EDC4: variants seen among roughly 807,000 people sequenced by gnomAD.
EDC4 encodes enhancer of mRNA decapping 4, also known as enhancer of mRNA-decapping protein 4.
A neutral mutation model predicts 155.8 loss-of-function variants in EDC4; 64 were observed. The ratio of observed to expected loss-of-function variants is 0.41; its 90% CI spans 0.34 to 0.51. The LOEUF (loss-of-function observed/expected upper bound fraction) is 0.51, where lower values mean the gene tolerates loss of function less well. EDC4 is among the 20% of genes least tolerant of loss of function. The pLI, the probability that EDC4 is intolerant of heterozygous loss-of-function variation, is 0.19. For synonymous variants in EDC4, 684 were observed against 716.8 expected, an observed-to-expected ratio of 0.95 and a Z score of 0.73; for missense variants, 1,303 against 1,812.5, an observed-to-expected ratio of 0.72 and a Z score of 5.10.
rs2058055099 is a variant in EDC4, at chr16:67,879,413, G to A, written c.1543G>A (p.Ala515Thr). The change falls in exon 14 of 29, where the codon GCA (alanine) becomes ACA (threonine). Residue 515 changes from alanine to threonine, a missense_variant and splice_region_variant. Transcript: ENST00000358933. The surrounding 1 kb of genome is among the most constrained non-coding windows in gnomAD (Gnocchi z 6.0). ...ATTCTCCCCCTTCTTTTCCTGCAGG[G>A]CACTGCAAGATGTGCAGATCCGCTT... ...LIKLFCVHTK[A>T]LQDVQIRFQP... 3 of 1,614,020 alleles carry A rather than the reference G, an allele frequency of 1.9e-6. No homozygotes were observed. The highest frequency in any genetic ancestry group is 2.2e-5 in the South Asian group (2 of 91,088).
In EDC4 at chr16:67,877,967, C is replaced by G; in HGVS notation, c.894+122C>G. On this transcript the variant is annotated intron_variant, in intron 7 of 28. Coordinates refer to ENST00000358933, the MANE Select transcript of EDC4 (RefSeq NM_014329.5). The surrounding 1 kb of genome is among the most constrained non-coding windows in gnomAD (Gnocchi z 4.9). ...ATTCTGCCCGTGGGGACTCTGAGCTCAAATTGGCCCTCACCTGTGCAGCTT... is the reference window on the plus strand; with the variant it reads ...ATTCTGCCCGTGGGGACTCTGAGCTGAAATTGGCCCTCACCTGTGCAGCTT... 6.6e-7 allele frequency: 1 copy of G among 1,510,366 alleles called. No individual in the cohort carries two copies. Among genetic ancestry groups the G allele is most frequent in the Non-Finnish European group, 8.9e-7 (1 of 1,118,418 alleles). 93.6% of individuals were successfully genotyped at this position (1,510,366 alleles called of 1,614,324 possible).
At position 67,878,308 on chromosome 16, in the gene EDC4, C is replaced by G. The variant is rs776639761; in HGVS notation, c.1004+33C>G. 2.5e-6 allele frequency: 4 copies of G among 1,614,182 alleles called. No individual in the cohort carries two copies. The South Asian group carries it at 3.3e-5, about 13-fold the overall frequency. ...AGGGCCTCAGGGACCAGGATCCTCC[C>G]GAGGTAGCCCACCCGACCACTCACT... On this transcript the variant is annotated intron_variant, in intron 8 of 28. Coordinates refer to ENST00000358933, the MANE Select transcript of EDC4 (RefSeq NM_014329.5). This position sits in a 1 kb window ranked among gnomAD's most constrained non-coding sequence, Gnocchi z 5.2.
At position 67,883,548 on chromosome 16, in the gene EDC4, G is replaced by A; in HGVS notation, c.3850-20G>A. On this transcript the variant is annotated intron_variant, in intron 27 of 28. Coordinates refer to ENST00000358933, the MANE Select transcript of EDC4 (RefSeq NM_014329.5). This position sits in a 1 kb window ranked among gnomAD's most constrained non-coding sequence, Gnocchi z 5.3. ...CATCCTGATATTTGCTATAAACACTGCTGCTTTTTTCTCCTCCAGGCGCTG... is the reference window on the plus strand; with the variant it reads ...CATCCTGATATTTGCTATAAACACTACTGCTTTTTTCTCCTCCAGGCGCTG... 1.2e-6 allele frequency: 2 copies of A among 1,611,466 alleles called. No individual in the cohort carries two copies. Among genetic ancestry groups the A allele is most frequent in the South Asian group, 1.1e-5 (1 of 91,084 alleles).
chr16:67,879,039 A>G lies in EDC4; in HGVS notation c.1370A>G (p.His457Arg). ...TCCATCTCGGAGTTCCTGCTCACCC[A>G]CCCTGTGCTGAGCTTTGGTATCCAG... ...FSSISEFLLT[H>R]PVLSFGIQVV... Residue 457 changes from histidine to arginine, a missense_variant, in exon 12 of 29, where the codon CAC becomes CGC. His to Arg is a conservative substitution (Grantham distance 29). Coordinates refer to ENST00000358933, the MANE Select transcript of EDC4 (RefSeq NM_014329.5). The surrounding 1 kb of genome is among the most constrained non-coding windows in gnomAD (Gnocchi z 6.0). The G allele has an allele frequency of 6.2e-7, 1 of 1,612,812 alleles. No homozygotes were observed. The highest frequency in any genetic ancestry group is 8.5e-7 in the Non-Finnish European group (1 of 1,179,950).
chr16:67,877,727 C>A lies in EDC4; in HGVS notation c.790-14C>A. 4 of 1,614,172 alleles carry A rather than the reference C, an allele frequency of 2.5e-6. No homozygotes were observed. The highest frequency in any genetic ancestry group is 3.4e-6 in the Non-Finnish European group (4 of 1,180,036). On this transcript the variant is annotated splice_polypyrimidine_tract_variant and intron_variant, in intron 6 of 28. Transcript: ENST00000358933. The surrounding 1 kb of genome is among the most constrained non-coding windows in gnomAD (Gnocchi z 4.9). ...TGGGGTTGGGCTGCACACTCACCTC[C>A]CTGTGCCTTCCAGGCTGAGGTGTGG...
In EDC4 at chr16:67,882,204, T is replaced by C; in HGVS notation, c.3161-8T>C. The C allele has an allele frequency of 6.2e-7, 1 of 1,613,524 alleles. No homozygotes were observed. The highest frequency in any genetic ancestry group is 8.5e-7 in the Non-Finnish European group (1 of 1,179,766). ...ATGGCTCCACCTCACCCTCTTCCCC[T>C]CTCCCAGGTGTCTCAAGGAGTCTGG... On this transcript the variant is annotated splice_polypyrimidine_tract_variant and splice_region_variant and intron_variant, in intron 23 of 28. Transcript: ENST00000358933. This position sits in a 1 kb window ranked among gnomAD's most constrained non-coding sequence, Gnocchi z 7.2.
Position 67,883,317 on chromosome 16 carries a change from T to A in EDC4, c.3849+140T>A. 1.5e-6 allele frequency: 2 copies of A among 1,359,674 alleles called. No individual in the cohort carries two copies. Among genetic ancestry groups the A allele is most frequent in the South Asian group, 1.4e-5 (1 of 69,242 alleles). The allele number at this position is 1,359,674 out of a possible 1,614,324, so 84.2% of individuals were successfully genotyped here. ...TGGTTCCCTTTGGCCTCCAGGCCAT[T>A]GTCCCTGCTGCTTCCTCTTCCTGGA... On this transcript the variant is annotated intron_variant, in intron 27 of 28. Transcript: ENST00000358933. This position sits in a 1 kb window ranked among gnomAD's most constrained non-coding sequence, Gnocchi z 5.3.
chr16:67,878,318 C>T lies in EDC4; in HGVS notation c.1005-42C>T, dbSNP rs763630987. 14 of 1,614,094 alleles carry T rather than the reference C, an allele frequency of 8.7e-6. No homozygotes were observed. The highest frequency in any genetic ancestry group is 1.7e-5 in the Admixed American group (1 of 60,012). On this transcript the variant is annotated intron_variant, in intron 8 of 28. Coordinates refer to ENST00000358933, the MANE Select transcript of EDC4 (RefSeq NM_014329.5). The surrounding 1 kb of genome is among the most constrained non-coding windows in gnomAD (Gnocchi z 5.2). ...GGACCAGGATCCTCCCGAGGTAGCC[C>T]ACCCGACCACTCACTCAGGCCCCTC...
Position 67,881,155 on chromosome 16 carries a change from A to G in EDC4, c.2611A>G (p.Ser871Gly). 1 of 1,614,160 alleles carries G rather than the reference A, an allele frequency of 6.2e-7. No individual in the cohort carries two copies. Among genetic ancestry groups the G allele is most frequent in the East Asian group, 2.2e-5 (1 of 44,890 alleles). Residue 871 changes from serine (S) to glycine (G), a missense_variant, in exon 19 of 29, where the codon AGC becomes GGC. This residue lies in a region of EDC4 where 527 missense variants were observed against 757.0 expected (regional missense o/e 0.70). Transcript: ENST00000358933. This position sits in a 1 kb window ranked among gnomAD's most constrained non-coding sequence, Gnocchi z 5.4. ...ATATCACCTGCTGCAGCAACGTGAC[A>G]GCCAGGATGCCAGTGCTGAGCAAAG... ...PPYHLLQQRD[S>G]QDASAEQSDH...
In EDC4 at chr16:67,880,376, G is replaced by A. The variant is rs1037609496; in HGVS notation, c.2097+160G>A. On this transcript the variant is annotated intron_variant, in intron 17 of 28. Coordinates refer to ENST00000358933, the MANE Select transcript of EDC4 (RefSeq NM_014329.5). The surrounding 1 kb of genome is among the most constrained non-coding windows in gnomAD (Gnocchi z 5.2). ...TTCACCCTCCTGTGTTTCCTGGTGG[G>A]TGTCTCCTCAGCCTCCCTGTCCCCA... The A allele has an allele frequency of 2.9e-6, 4 of 1,359,890 alleles. No homozygotes were observed. The East Asian group carries it at 9.4e-5, about 32-fold the overall frequency. The allele number at this position is 1,359,890 out of a possible 1,614,324, so 84.2% of individuals were successfully genotyped here. A position where few individuals can be genotyped will look rare whatever the true frequency, so the allele number is the denominator to read the frequency against.
rs1048640644 is a variant in EDC4 at position 67,878,020 on chromosome 16, T to TG, written c.895-146_895-145insG. Reference sequence around the variant, plus strand: ...TCCTTATCTAGCAGCACCCTGCAGGTCTGGCCTTCTCTAGGAACCCTGTTC... The same window carrying TG: ...TCCTTATCTAGCAGCACCCTGCAGGTGCTGGCCTTCTCTAGGAACCCTGTTC... On this transcript the variant is annotated intron_variant, in intron 7 of 28. Coordinates refer to ENST00000358933, the MANE Select transcript of EDC4 (RefSeq NM_014329.5). The surrounding 1 kb of genome is among the most constrained non-coding windows in gnomAD (Gnocchi z 5.2). 6.7e-7 allele frequency: 1 copy of TG among 1,488,762 alleles called. No individual in the cohort carries two copies. The highest frequency in any genetic ancestry group is 1.4e-5 in the African/African-American group (1 of 71,738). 92.2% of individuals were successfully genotyped at this position (1,488,762 alleles called of 1,614,324 possible).
At position 67,879,598 on chromosome 16, in the gene EDC4, T is replaced by G; in HGVS notation, c.1645T>G (p.Ser549Ala). The G allele has an allele frequency of 6.2e-7, 1 of 1,613,910 alleles. No homozygotes were observed. Among genetic ancestry groups the G allele is most frequent in the Non-Finnish European group, 8.5e-7 (1 of 1,179,950 alleles). ...TAHEDFTFGE[S>A]RPELGSEGLG... Reference sequence around the variant, plus strand: ...AACTTGCCCTGCAGCATTTGGAGAGTCTCGGCCCGAACTGGGCTCTGAGGG... The same window carrying G: ...AACTTGCCCTGCAGCATTTGGAGAGGCTCGGCCCGAACTGGGCTCTGAGGG... The change falls in exon 15 of 29, where the codon TCT becomes GCT. Residue 549 changes from serine to alanine, a missense_variant. Physicochemically the swap from Ser to Ala is moderately conservative, Grantham distance 99. Transcript: ENST00000358933. This position sits in a 1 kb window ranked among gnomAD's most constrained non-coding sequence, Gnocchi z 6.0.
chr16:67,878,551 G>A lies in EDC4; in HGVS notation c.1104G>A (p.Arg368=). ...TGCCTTGCAGTGTCCCTTTCTGGAG[G>A]TTCCTTATTACTGGTGCTGACCAGA... is the stretch of plus-strand genomic sequence containing the variant. ...KKQDPDVPFW[R]FLITGADQNR... The change falls in exon 10 of 29, where the codon AGG becomes AGA. Residue 368 remains arginine (R), a synonymous_variant. Coordinates refer to ENST00000358933, the MANE Select transcript of EDC4 (RefSeq NM_014329.5). This position sits in a 1 kb window ranked among gnomAD's most constrained non-coding sequence, Gnocchi z 5.2. The A allele has an allele frequency of 6.2e-7, 1 of 1,614,232 alleles. No homozygotes were observed. The highest frequency in any genetic ancestry group is 8.5e-7 in the Non-Finnish European group (1 of 1,180,042).
rs369881698 is a variant in EDC4, at chr16:67,879,360, C to G, written c.1541+51C>G. On this transcript the variant is annotated intron_variant, in intron 13 of 28. Transcript: ENST00000358933. This position sits in a 1 kb window ranked among gnomAD's most constrained non-coding sequence, Gnocchi z 6.0. ...TGTCCTGTCTGTGTCTGTCTCCACT[C>G]TACTGACCCTTGCCCTTGGAGCACT... 3 of 1,614,108 alleles carry G rather than the reference C, an allele frequency of 1.9e-6. No homozygotes were observed. The African/African-American group carries it at 4.0e-5, about 22-fold the overall frequency.
At position 67,880,605 on chromosome 16, in the gene EDC4, C is replaced by A; in HGVS notation, c.2146C>A (p.Pro716Thr). 1 of 1,614,120 alleles carries A rather than the reference C, an allele frequency of 6.2e-7. No homozygotes were observed. The highest frequency in any genetic ancestry group is 2.2e-5 in the East Asian group (1 of 44,870). Residue 716 changes from proline to threonine, a missense_variant, in exon 18 of 29, where the codon CCC becomes ACC. Physicochemically the swap from Pro to Thr is conservative, Grantham distance 38 (BLOSUM62 -1). Coordinates refer to ENST00000358933, the MANE Select transcript of EDC4 (RefSeq NM_014329.5). The surrounding 1 kb of genome is among the most constrained non-coding windows in gnomAD (Gnocchi z 5.2). ...ALSLELQEVE[P>T]LGLPQASPSR... Reference sequence around the variant, plus strand: ...GTCCCTGGAGCTGCAGGAAGTGGAGCCCCTGGGGCTACCCCAAGCCTCCCC... The same window carrying A: ...GTCCCTGGAGCTGCAGGAAGTGGAGACCCTGGGGCTACCCCAAGCCTCCCC...
In EDC4 at chr16:67,879,701, G is replaced by T. The variant is rs751609531; in HGVS notation, c.1748G>T (p.Ser583Ile). The change falls in exon 15 of 29, where the codon AGT becomes ATT. Residue 583 changes from serine (S) to isoleucine (I), a missense_variant. Ser to Ile is a moderately radical substitution (Grantham distance 142). Around this residue, in one of 5 missense-constraint regions of EDC4, gnomAD observed 391 missense variants for 445.4 expected, o/e 0.88. Transcript: ENST00000358933. This position sits in a 1 kb window ranked among gnomAD's most constrained non-coding sequence, Gnocchi z 6.0. Reference sequence around the variant, plus strand: ...CTGCCTGCACCTGCCGACTTCCTCAGTCTGAGCAGTGAGACCAAGCCCAAG... The same window carrying T: ...CTGCCTGCACCTGCCGACTTCCTCATTCTGAGCAGTGAGACCAAGCCCAAG... ...VELPAPADFLSLSSETKPKLM... is the reference protein window; with the variant it reads ...VELPAPADFLILSSETKPKLM... The T allele has an allele frequency of 1.9e-6, 3 of 1,614,064 alleles. No homozygotes were observed. The highest frequency in any genetic ancestry group is 2.7e-5 in the African/African-American group (2 of 74,910).
At position 67,877,941 on chromosome 16, in the gene EDC4, C is replaced by T; in HGVS notation, c.894+96C>T. On this transcript the variant is annotated intron_variant, in intron 7 of 28. Coordinates refer to ENST00000358933, the MANE Select transcript of EDC4 (RefSeq NM_014329.5). The surrounding 1 kb of genome is among the most constrained non-coding windows in gnomAD (Gnocchi z 4.9). ...ACAGCTGCCCGGGCAGCTTTACTAGCATTCTGCCCGTGGGGACTCTGAGCT... is the reference window on the plus strand; with the variant it reads ...ACAGCTGCCCGGGCAGCTTTACTAGTATTCTGCCCGTGGGGACTCTGAGCT... 8.4e-6 allele frequency: 13 copies of T among 1,546,570 alleles called. No individual in the cohort carries two copies. The highest frequency in any genetic ancestry group is 1.1e-5 in the Non-Finnish European group (13 of 1,140,696).
At chr16:67,873,458 G>A in intron 1 of EDC4, 115 bp downstream of exon 1, 1 of 849,022 alleles carries the variant, frequency 1.2e-6, no homozygotes, top group Non-Finnish European at 1.7e-6. Context: ...CCTCCCGGCG[G>A]GTAAGGGTGG....
chr16:67,875,988 G>A lies in EDC4; in HGVS notation c.126G>A (p.Gly42=). The A allele has an allele frequency of 1.2e-6, 2 of 1,614,096 alleles. No homozygotes were observed. Among genetic ancestry groups the A allele is most frequent in the Non-Finnish European group, 1.7e-6 (2 of 1,180,028 alleles). ...ESPRPSSAYN[G]DLNGLLVPDP... is the part of the protein sequence containing the mutation. Reference sequence around the variant, plus strand: ...CACGGCCATCCAGTGCCTACAATGGGGACCTCAATGGACTTCTGGTCCCAG... The same window carrying A: ...CACGGCCATCCAGTGCCTACAATGGAGACCTCAATGGACTTCTGGTCCCAG... The change falls in exon 2 of 29, where the codon GGG becomes GGA. Residue 42 remains glycine (G), a synonymous_variant. Transcript: ENST00000358933.
Sources: gnomAD v4.1 joint callset for allele counts on GRCh38, gnomAD v4.1.1 for gene constraint, gnomAD v4.1.1 regional missense constraint, Gnocchi (gnomAD v3.1) non-coding constraint, MANE v1.5 for transcripts, NCBI Gene and HGNC (gene_info 2026-07-23, HGNC 2026-07-21) for gene names.